The following UVRAG variants were observed in gnomAD, a reference collection of about 807,000 sequenced individuals.
UVRAG encodes the protein UV radiation resistance associated.
UVRAG carries 19 observed loss-of-function variants against 78.0 expected under a neutral mutation model. That is an observed-to-expected ratio of 0.24 (90% CI 0.17 to 0.36). UVRAG has a LOEUF of 0.36. Among genes scored for constraint, UVRAG ranks in the 10% least tolerant of loss-of-function variants. The probability of loss-of-function intolerance (pLI) is 1.00; values close to 1 mark genes in which losing one functional copy is unlikely to be tolerated. For missense variants in UVRAG, 740 were observed against 853.8 expected, an observed-to-expected ratio of 0.87 and a Z score of 1.66; for synonymous variants, 323 against 324.6, an observed-to-expected ratio of 1.00 and a Z score of 0.05.
At chr11:76,072,953 C>T (rs1326174762) in intron 13 of UVRAG, among the ~76,000 whole-genome samples, 2 of 152,114 alleles carry the variant, frequency 1.3e-5, no homozygotes, top group Admixed American at 6.5e-5. Context: ...GACATTTTTG[C>T]CTGTTTCACT....
intron 13 of UVRAG, among the ~76,000 whole-genome samples, chr11:76,086,741 G>A (rs1219502709): frequency 6.6e-6 from 1 of 152,148 alleles, no homozygotes; most frequent in Non-Finnish European, 1.5e-5. Context: ...TGCTAGTTTA[G>A]AAATGATCTG....
intron 13 of UVRAG, among the ~76,000 whole-genome samples, chr11:76,083,185 A>G (rs1383973296): frequency 6.6e-6 from 1 of 152,236 alleles, no homozygotes; most frequent in African/African-American, 2.4e-5. Context: ...CCTAGTCTTC[A>G]CAATAACCTT....
intron 1 of UVRAG, among the ~76,000 whole-genome samples, chr11:75,848,472 G>A (rs1043458894): frequency 6.6e-6 from 1 of 152,196 alleles, no homozygotes; most frequent in Non-Finnish European, 1.5e-5. Flanking sequence ...TAATCACCCA[G>A]ATGAAAATCA....
At chr11:75,971,000 T>C (rs1334672850) in intron 7 of UVRAG, among the ~76,000 whole-genome samples, 1 of 152,164 alleles carries the variant, frequency 6.6e-6, no homozygotes, top group Non-Finnish European at 1.5e-5. Flanking sequence ...CCTAAAAATA[T>C]CCTATCCTCC....
chr11:75,932,501 G>T (rs1246218167), intron 6 of UVRAG, among the ~76,000 whole-genome samples: 1 of 151,978 alleles, frequency 6.6e-6, no homozygotes, highest in Non-Finnish European at 1.5e-5. Context: ...GGCAAGGATG[G>T]TCTCGATCTC....
chr11:75,884,248 C>CTCTCTCTCTCTCTG (rs1947029254), intron 4 of UVRAG, among the ~76,000 whole-genome samples: 1 of 150,856 alleles, frequency 6.6e-6, no homozygotes, highest in South Asian at 2.1e-4. Context: ...CTTTCTCTCT[C>CTCTCTCTCTCTCTG]TCTCTCTGTG....
At chr11:76,105,816 A>G (rs1951958132) in intron 13 of UVRAG, among the ~76,000 whole-genome samples, 1 of 152,232 alleles carries the variant, frequency 6.6e-6, no homozygotes, top group South Asian at 2.1e-4. Flanking sequence ...TAGAATGGCT[A>G]AAGTTTTAAA....
chr11:76,081,915 G>A (rs73496192), intron 13 of UVRAG, among the ~76,000 whole-genome samples: 20,307 of 143,936 alleles, frequency 0.14, 3,636 homozygotes, highest in African/African-American at 0.42. Context: ...TCACCAGCAT[G>A]ATGTAGAGTA....
At chr11:75,895,567 GAT>G (rs904246090) in intron 5 of UVRAG, among the ~76,000 whole-genome samples, 1 of 151,132 alleles carries the variant, frequency 6.6e-6, no homozygotes, top group African/African-American at 2.4e-5. Flanking sequence ...GTTAGGGAGT[GAT>G]ATATTCTGGT....
At chr11:75,884,781 T>C (rs1198781754) in intron 4 of UVRAG, among the ~76,000 whole-genome samples, 1 of 152,126 alleles carries the variant, frequency 6.6e-6, no homozygotes, top group Non-Finnish European at 1.5e-5. Context: ...CAAATTGTCT[T>C]GATTACTGTA....
At chr11:76,042,672 C>A (rs144989577) in intron 12 of UVRAG, among the ~76,000 whole-genome samples, 4 of 152,182 alleles carry the variant, frequency 2.6e-5, no homozygotes, top group African/African-American at 9.7e-5. Flanking sequence ...AAGACAGACA[C>A]GTGGCTGTGA....
chr11:75,932,088 C>T (rs1380389317), intron 6 of UVRAG, among the ~76,000 whole-genome samples: 1 of 151,990 alleles, frequency 6.6e-6, no homozygotes, highest in African/African-American at 2.4e-5. Context: ...TGAATTCCAA[C>T]CTTCTTTTTG....
chr11:75,815,301 C>G lies in UVRAG; in HGVS notation c.-107C>G. The stretch of plus-strand genomic sequence containing the variant: ...GTCTGGGCTGAGCAGTAGTGCCTCT[C>G]GGGTGGCGGGTTTCTAGGCTGCAGG... On this transcript the variant is annotated 5_prime_UTR_variant, in exon 1 of 15. Transcript: ENST00000356136. 1 of 560,928 alleles carries G rather than the reference C, an allele frequency of 1.8e-6. No homozygotes were observed. Among genetic ancestry groups the G allele is most frequent in the Non-Finnish European group, 2.7e-6 (1 of 367,212 alleles). The allele number at this position is 560,928 out of a possible 1,614,324, so 34.7% of individuals were successfully genotyped here.
intron 14 of UVRAG, among the ~76,000 whole-genome samples, chr11:76,129,704 CTGCTATTTCTGTTTGTCTA>C (rs2134496722): frequency 6.6e-6 from 1 of 152,268 alleles, no homozygotes; most frequent in South Asian, 2.1e-4. Flanking sequence ...CCAATTTCTC[CTGCTATTTCTGTTTGTCTA>C]TGTCTGTACA....
intron 12 of UVRAG, among the ~76,000 whole-genome samples, chr11:76,055,375 TA>T (rs1484927333): frequency 6.6e-6 from 1 of 152,210 alleles, no homozygotes; most frequent in Non-Finnish European, 1.5e-5. Flanking sequence ...TACTATTAGC[TA>T]AACCTTTTGT....
At chr11:76,072,526 C>T (rs2134394894) in intron 13 of UVRAG, among the ~76,000 whole-genome samples, 1 of 152,194 alleles carries the variant, frequency 6.6e-6, no homozygotes, top group Non-Finnish European at 1.5e-5. Context: ...GGATGGTGGG[C>T]TCTGGGTAAG....
chr11:75,911,911 ATT>A (rs1565376110), intron 5 of UVRAG, 41 bp from the exon 6 acceptor site: 3 of 1,279,098 alleles, frequency 2.3e-6, no homozygotes, highest in Non-Finnish European at 3.4e-6. Context: ...CATATATTTT[ATT>A]TTGTTTGGTT....
chr11:76,057,717 T>G (rs1265761475), intron 12 of UVRAG, among the ~76,000 whole-genome samples: 2 of 131,716 alleles, frequency 1.5e-5, no homozygotes, highest in Admixed American at 7.3e-5. Flanking sequence ...TGCAAGATGT[T>G]TTTTTTTTTC....
chr11:76,131,070 C>T (rs1016901980), intron 14 of UVRAG, among the ~76,000 whole-genome samples: 3 of 151,904 alleles, frequency 2.0e-5, no homozygotes, highest in East Asian at 3.9e-4. Flanking sequence ...TCCATGTTCT[C>T]GTGTAGGATG....
Sources: gnomAD v4.1 joint callset for allele counts (sites outside exome capture counted in the v4.1 genomes callset) on GRCh38, gnomAD v4.1.1 for gene constraint, MANE v1.5 for transcripts, NCBI Gene and HGNC (gene_info 2026-07-23, HGNC 2026-07-21) for gene names.